The following NKAIN3 variants were observed in gnomAD, a reference collection of about 807,000 sequenced individuals.
NKAIN3 encodes sodium/potassium transporting ATPase interacting 3, also known as sodium/potassium-transporting ATPase subunit beta-1-interacting protein 3.
A neutral mutation model predicts 30.2 loss-of-function variants in NKAIN3; 25 were observed. The ratio of observed to expected loss-of-function variants is 0.83; its 90% confidence interval spans 0.60 to 1.16. The LOEUF (loss-of-function observed/expected upper bound fraction) is 1.16, where lower values mean the gene tolerates loss of function less well. NKAIN3 is among the 50% of genes most tolerant of loss of function. The pLI, the probability that NKAIN3 is intolerant of heterozygous loss-of-function variation, is 0.00. For synonymous variants in NKAIN3, 91 were observed against 89.6 expected, an observed-to-expected ratio of 1.02 and a Z score of -0.09; for missense variants, 225 against 254.1, an observed-to-expected ratio of 0.89 and a Z score of 0.78.
intron 4 of NKAIN3, among the ~76,000 whole-genome samples, chr8:62,815,546 G>A (rs1040609733): frequency 6.6e-6 from 1 of 152,086 alleles, no homozygotes; most frequent in African/African-American, 2.4e-5. Context: ...TTCATCCCTG[G>A]GATGCAAGTC....
intron 4 of NKAIN3, among the ~76,000 whole-genome samples, chr8:62,916,809 A>G (rs1401730721): frequency 6.6e-6 from 1 of 152,096 alleles, no homozygotes; most frequent in Non-Finnish European, 1.5e-5. Context: ...ATGATGGGAG[A>G]AAAGGAGGAA....
chr8:62,785,403 CACTT>C (rs1817482588), intron 4 of NKAIN3, among the ~76,000 whole-genome samples: 1 of 152,066 alleles, frequency 6.6e-6, no homozygotes. Context: ...GATCAGTCGT[CACTT>C]ACACTGGGGA....
intron 3 of NKAIN3, among the ~76,000 whole-genome samples, chr8:62,596,437 T>C (rs1810838428): frequency 6.6e-6 from 1 of 152,100 alleles, no homozygotes; most frequent in Admixed American, 6.6e-5. Flanking sequence ...TTTAGGTTTC[T>C]GTACAGCCAA....
intron 3 of NKAIN3, among the ~76,000 whole-genome samples, chr8:62,657,423 T>C (rs1425502098): frequency 6.6e-6 from 1 of 152,190 alleles, no homozygotes; most frequent in African/African-American, 2.4e-5. Context: ...CCTTAGCCAA[T>C]CTCAAGAGCA....
chr8:62,452,071 G>A (rs937505576), intron 1 of NKAIN3, among the ~76,000 whole-genome samples: 17 of 152,192 alleles, frequency 1.1e-4, no homozygotes, highest in Non-Finnish European at 8.8e-5. Flanking sequence ...GAGTGGCTTA[G>A]CCAATAGGTA....
intron 4 of NKAIN3, among the ~76,000 whole-genome samples, chr8:62,808,754 A>G (rs1586221200): frequency 3.9e-5 from 6 of 152,298 alleles, no homozygotes; most frequent in Middle Eastern, 3.4e-3. Context: ...GGGCAGACCG[A>G]GATCACAAGA....
chr8:62,951,319 A>C (rs1823279349), intron 5 of NKAIN3, among the ~76,000 whole-genome samples: 1 of 152,216 alleles, frequency 6.6e-6, no homozygotes, highest in South Asian at 2.1e-4. Context: ...TATCAGTCTT[A>C]TATACCAGTT....
intron 3 of NKAIN3, among the ~76,000 whole-genome samples, chr8:62,593,226 A>G (rs555420900): frequency 1.3e-5 from 2 of 152,160 alleles, no homozygotes; most frequent in Admixed American, 6.6e-5. Flanking sequence ...CTGAAATAAT[A>G]CAGATAATAT....
chr8:62,431,424 C>T (rs1399454091), intron 1 of NKAIN3, among the ~76,000 whole-genome samples: 1 of 151,652 alleles, frequency 6.6e-6, no homozygotes, highest in East Asian at 1.9e-4. Flanking sequence ...TTCTGTTAGC[C>T]ATTTTTTCTT....
intron 2 of NKAIN3, among the ~76,000 whole-genome samples, chr8:62,586,381 T>C (rs1810477515): frequency 6.6e-6 from 1 of 152,218 alleles, no homozygotes; most frequent in Non-Finnish European, 1.5e-5. Context: ...ACTTGACCCA[T>C]GTATCATTTT....
At chr8:62,425,208 A>C (rs905192151) in intron 1 of NKAIN3, among the ~76,000 whole-genome samples, 8 of 151,872 alleles carry the variant, frequency 5.3e-5, no homozygotes, top group African/African-American at 1.7e-4. Context: ...TCTATTGTTC[A>C]ACATTGTGTC....
chr8:62,930,708 CT>C (rs5891884), intron 5 of NKAIN3, among the ~76,000 whole-genome samples: 146 of 145,030 alleles, frequency 1.0e-3, no homozygotes, highest in Non-Finnish European at 1.0e-3. Context: ...GAATTTCATC[CT>C]TTTTTTTTTT....
intron 3 of NKAIN3, among the ~76,000 whole-genome samples, chr8:62,714,920 CT>C (rs1814844657): frequency 6.6e-6 from 1 of 152,174 alleles, no homozygotes; most frequent in Non-Finnish European, 1.5e-5. Flanking sequence ...TTAGTTAATT[CT>C]TGCACTGCTA....
At chr8:62,438,410 T>C (rs1014619369) in intron 1 of NKAIN3, among the ~76,000 whole-genome samples, 1 of 152,308 alleles carries the variant, frequency 6.6e-6, no homozygotes, top group Admixed American at 6.5e-5. Flanking sequence ...CTGATTACAC[T>C]GTGAGCCCCA....
chr8:62,263,927 A>C (rs1812528296), intron 1 of NKAIN3, among the ~76,000 whole-genome samples: 1 of 152,224 alleles, frequency 6.6e-6, no homozygotes, highest in African/African-American at 2.4e-5. Context: ...AACAGTAATA[A>C]ACTACAGACA....
At chr8:62,374,840 C>T (rs16928790) in intron 1 of NKAIN3, among the ~76,000 whole-genome samples, 2 of 152,044 alleles carry the variant, frequency 1.3e-5, no homozygotes, top group African/African-American at 4.8e-5. Context: ...ATTTGGAACA[C>T]AGTGGATCTT....
chr8:62,725,725 C>A (rs1399277547), intron 3 of NKAIN3, among the ~76,000 whole-genome samples: 1 of 151,892 alleles, frequency 6.6e-6, no homozygotes, highest in Non-Finnish European at 1.5e-5. Flanking sequence ...CTGCCTATAC[C>A]ACTCTGTTTT....
intron 4 of NKAIN3, chr8:62,863,062 C>A (rs1820302855): frequency 4.1e-6 from 4 of 965,032 alleles, no homozygotes; most frequent in Admixed American, 4.0e-5. Context: ...GTGCTTTGAT[C>A]CTCTGTATCA....
At chr8:62,735,344 ACCTT>A (rs1431765897) in intron 3 of NKAIN3, among the ~76,000 whole-genome samples, 7 of 126,470 alleles carry the variant, frequency 5.5e-5, no homozygotes, top group Non-Finnish European at 9.7e-5. Context: ...TAATTCAAAA[ACCTT>A]TCTTTCTTTC....
Sources: gnomAD v4.1 joint callset for allele counts (sites outside exome capture counted in the v4.1 genomes callset) on GRCh38, gnomAD v4.1.1 for gene constraint, MANE v1.5 for transcripts, NCBI Gene and HGNC (gene_info 2026-07-23, HGNC 2026-07-21) for gene names.